Variants in ATP7B observed in about 807,000 individuals in gnomAD.
ATP7B encodes ATPase copper transporting beta, also known as copper-transporting ATPase 2.
Under a neutral mutation model 118.9 loss-of-function variants are expected in ATP7B, and 113 were observed. The ratio of observed to expected loss-of-function variants is 0.95; its 90% CI spans 0.82 to 1.11. The LOEUF (loss-of-function observed/expected upper bound fraction) is 1.11. Ranked by LOEUF, ATP7B falls within the 50% of genes most tolerant of loss-of-function variation. The probability of loss-of-function intolerance (pLI) is 0.00; values close to 1 mark genes in which losing one functional copy is unlikely to be tolerated. For synonymous variants in ATP7B, 777 were observed against 727.4 expected, an observed-to-expected ratio of 1.07 and a Z score of -1.10; for missense variants, 1,867 against 1,871.4, an observed-to-expected ratio of 1.00 and a Z score of 0.04.
intron 1 of ATP7B, among the ~76,000 whole-genome samples, chr13:51,982,960 T>C (rs995396119): frequency 3.9e-5 from 6 of 152,098 alleles, no homozygotes; most frequent in Non-Finnish European, 8.8e-5. Flanking sequence ...ACCAGGGCCC[T>C]GGGTTTCAAG....
At chr13:51,976,478 TTAAG>T (rs1290916849) in intron 1 of ATP7B, among the ~76,000 whole-genome samples, 1 of 152,224 alleles carries the variant, frequency 6.6e-6, no homozygotes, top group African/African-American at 2.4e-5. Context: ...AAGGGAATAA[TTAAG>T]TAATTTGGGG....
intron 1 of ATP7B, among the ~76,000 whole-genome samples, chr13:51,980,861 T>C (rs1002064242): frequency 2.1e-5 from 3 of 146,172 alleles, no homozygotes; most frequent in African/African-American, 4.9e-5. Flanking sequence ...AAACATGTTA[T>C]ACATGAAGGC....
Position 51,965,653 on chromosome 13 carries a change from G to A in ATP7B, c.1708-620C>T, listed in dbSNP as rs181196776. On this transcript the variant is annotated intron_variant, in intron 4 of 20. Transcript: ENST00000242839. Reference sequence around the variant, plus strand: ...CCAGAAGGAGAAGCTCGAAAAAGACGACAGGCAGGATAGCATGATGTATTC... The same window carrying A: ...CCAGAAGGAGAAGCTCGAAAAAGACAACAGGCAGGATAGCATGATGTATTC... Among the ~76,000 whole-genome samples, 438 of 152,274 alleles carry A rather than the reference G, an allele frequency of 2.9e-3. 2 individuals carry two copies. The highest frequency in any genetic ancestry group is 6.8e-3 in the Middle Eastern group (2 of 294).
intron 9 of ATP7B, among the ~76,000 whole-genome samples, chr13:51,955,315 C>G (rs569712843): frequency 1.9e-4 from 29 of 152,286 alleles, no homozygotes; most frequent in Non-Finnish European, 3.5e-4. Context: ...GCAATCCAGG[C>G]GGCAGTGGGT....
Position 51,998,765 on chromosome 13 carries a change from G to A in ATP7B, c.51+12522C>T, listed in dbSNP as rs567807957. Reference sequence around the variant, plus strand: ...TCTTGTTGCAACCTGAGAAGCCTGGGCCCAAAGGCAGATGGGCAGCTCATG... The same window carrying A: ...TCTTGTTGCAACCTGAGAAGCCTGGACCCAAAGGCAGATGGGCAGCTCATG... On this transcript the variant is annotated intron_variant, in intron 1 of 20. Transcript: ENST00000242839. 5.3e-5 allele frequency among the ~76,000 whole-genome samples: 8 copies of A among 152,270 alleles called. No homozygotes were observed. In the South Asian group the frequency reaches 1.7e-3, roughly 32 times the overall value.
Position 51,961,827 on chromosome 13 carries a change from T to C in ATP7B, c.1946+10A>G, listed in dbSNP as rs1225945135. On this transcript the variant is annotated intron_variant, in intron 6 of 20. Coordinates refer to ENST00000242839, the MANE Select transcript of ATP7B (RefSeq NM_000053.4). Reference sequence around the variant, plus strand: ...TGAGAGCTGGAGTTTATCTTTTGTGTTCTACCTACTGCTTTATTTCCATCT... The same window carrying C: ...TGAGAGCTGGAGTTTATCTTTTGTGCTCTACCTACTGCTTTATTTCCATCT... 4 of 1,611,710 alleles carry C rather than the reference T, an allele frequency of 2.5e-6. No individual in the cohort carries two copies. The highest frequency in any genetic ancestry group is 3.4e-6 in the Non-Finnish European group (4 of 1,177,946).
Position 51,974,789 on chromosome 13 carries a change from A to G in ATP7B, c.431T>C (p.Val144Ala), listed in dbSNP as rs547221110. 3 of 1,614,178 alleles carry G rather than the reference A, an allele frequency of 1.9e-6. No individual in the cohort carries two copies. In the South Asian group the frequency reaches 3.3e-5, roughly 18 times the overall value. ...PSRSLPAQEA[V>A]VKLRVEGMTC... ...CATGCCCTCCACCCGGAGCTTGACC[A>G]CAGCCTCCTGGGCAGGCAAGGACCT... Residue 144 changes from valine (V) to alanine (A), a missense_variant, in exon 2 of 21, where the codon GTG (valine) becomes GCG (alanine). Transcript: ENST00000242839.
intron 15 of ATP7B, 144 bp downstream of exon 15, chr13:51,942,242 C>T: frequency 2.4e-6 from 3 of 1,263,844 alleles, no homozygotes; most frequent in Non-Finnish European, 3.4e-6. Flanking sequence ...GAGAAACTTT[C>T]CTGGGTGTGG....
intron 1 of ATP7B, among the ~76,000 whole-genome samples, chr13:52,004,756 C>T (rs2140597081): frequency 6.6e-6 from 1 of 152,340 alleles, no homozygotes; most frequent in South Asian, 2.1e-4. Context: ...TAGTCTGGCA[C>T]TGCCCAATTC....
At chr13:51,982,833 C>A (rs967128121) in intron 1 of ATP7B, among the ~76,000 whole-genome samples, 2 of 152,176 alleles carry the variant, frequency 1.3e-5, no homozygotes, top group African/African-American at 4.8e-5. Flanking sequence ...CTCCACTAGC[C>A]AAGGGAAGCC....
At chr13:51,954,369 T>C (rs1958204698) in intron 9 of ATP7B, among the ~76,000 whole-genome samples, 1 of 152,210 alleles carries the variant, frequency 6.6e-6, no homozygotes, top group East Asian at 1.9e-4. Flanking sequence ...CATGCAGCCA[T>C]TGAAGGATTT....
chr13:51,946,401 A>G lies in ATP7B; in HGVS notation c.2943T>C (p.Ile981=), dbSNP rs2139058430. The G allele has an allele frequency of 6.2e-7, 1 of 1,614,144 alleles. No individual in the cohort carries two copies. Among genetic ancestry groups the G allele is most frequent in the Non-Finnish European group, 8.5e-7 (1 of 1,180,048 alleles). ...CCAGCCCCAGGGAGCAGGGGCAGGCAATGCACAGCACCGTGATGGACGTCT... is the reference window on the plus strand; with the variant it reads ...CCAGCCCCAGGGAGCAGGGGCAGGCGATGCACAGCACCGTGATGGACGTCT... ...AFQTSITVLC[I]ACPCSLGLAT... is the part of the protein sequence containing the mutation. Residue 981 remains isoleucine, a synonymous_variant, in exon 13 of 21, where the codon ATT becomes ATC. Coordinates refer to ENST00000242839, the MANE Select transcript of ATP7B (RefSeq NM_000053.4).
chr13:51,965,993 A>G (rs150724605), intron 4 of ATP7B, among the ~76,000 whole-genome samples: 71 of 152,334 alleles, frequency 4.7e-4, no homozygotes, highest in African/African-American at 1.7e-3. Flanking sequence ...CCAAGACCCA[A>G]GGAAAAAATG....
chr13:51,997,225 A>G (rs1953253188), intron 1 of ATP7B, among the ~76,000 whole-genome samples: 1 of 152,256 alleles, frequency 6.6e-6, no homozygotes, highest in South Asian at 2.1e-4. Context: ...CAGGTAACTG[A>G]AGCTCATCGC....
At chr13:51,997,962 A>G (rs1953294167) in intron 1 of ATP7B, among the ~76,000 whole-genome samples, 1 of 152,214 alleles carries the variant, frequency 6.6e-6, no homozygotes, top group Non-Finnish European at 1.5e-5. Flanking sequence ...CGTGTGGAAC[A>G]GCCAAGGCAT....
At chr13:51,939,381 A>G (rs1957180298) in intron 16 of ATP7B, among the ~76,000 whole-genome samples, 188 bp from the exon 17 acceptor site, 1 of 152,258 alleles carries the variant, frequency 6.6e-6, no homozygotes, top group Non-Finnish European at 1.5e-5. Flanking sequence ...AAAGTCTGGA[A>G]GCAATATAAT....
At chr13:51,951,123 G>C in intron 9 of ATP7B, among the ~76,000 whole-genome samples, 1 of 152,062 alleles carries the variant, frequency 6.6e-6, no homozygotes, top group East Asian at 1.9e-4. Flanking sequence ...GAGTGAGGGG[G>C]AGAGTCAGGC....
At chr13:52,007,101 G>T (rs1277542003) in intron 1 of ATP7B, among the ~76,000 whole-genome samples, 1 of 152,190 alleles carries the variant, frequency 6.6e-6, no homozygotes, top group Non-Finnish European at 1.5e-5. Context: ...ACAATGTGGA[G>T]AAATCATGTC....
At chr13:51,999,074 G>A (rs900772869) in intron 1 of ATP7B, among the ~76,000 whole-genome samples, 1 of 152,208 alleles carries the variant, frequency 6.6e-6, no homozygotes, top group Non-Finnish European at 1.5e-5. Context: ...CAGGGCTCTA[G>A]CAGCCCAGCC....
Sources: allele counts gnomAD v4.1 joint callset (sites outside exome capture counted in the v4.1 genomes callset), GRCh38; gene constraint gnomAD v4.1.1; transcripts MANE v1.5; gene names NCBI Gene and HGNC (gene_info 2026-07-23, HGNC 2026-07-21).